Variants in CELF2 observed in about 807,000 individuals in gnomAD.
The protein encoded by CELF2 is CUG triplet repeat RNA-binding protein 2.
CELF2 carries 8 observed loss-of-function variants against 62.6 expected under a neutral mutation model. The observed-to-expected ratio is 0.13, with a 90% CI of 0.07 to 0.23. The LOEUF (loss-of-function observed/expected upper bound fraction) is 0.23. Among genes scored for constraint, CELF2 ranks in the 10% least tolerant of loss-of-function variants. CELF2 has a pLI of 1.00. For synonymous variants in CELF2, 258 were observed against 250.0 expected (o/e 1.03, Z -0.30); for missense variants, 333 against 671.0 (o/e 0.50, Z 5.56).
At chr10:10,665,740 G>A in the CELF2 span, among the ~76,000 whole-genome samples, 1 of 152,182 alleles carries the variant, frequency 6.6e-6, no homozygotes, top group Non-Finnish European at 1.5e-5. Context: ...ATAAACACTA[G>A]GATATAGGAA....
intron 1 of CELF2, among the ~76,000 whole-genome samples, chr10:11,027,012 G>C (rs1352644994): frequency 6.6e-6 from 1 of 152,184 alleles, no homozygotes; most frequent in Non-Finnish European, 1.5e-5. Context: ...TGCTGCAGCT[G>C]TGTTTGCCTT....
At chr10:10,680,379 C>A in the CELF2 span, among the ~76,000 whole-genome samples, 8 of 152,242 alleles carry the variant, frequency 5.3e-5, no homozygotes, top group African/African-American at 1.9e-4. Context: ...TGAAAGGATG[C>A]AGATTAAAAT....
At chr10:10,667,830 T>G in the CELF2 span, among the ~76,000 whole-genome samples, 2 of 152,208 alleles carry the variant, frequency 1.3e-5, no homozygotes, top group Admixed American at 1.3e-4. Flanking sequence ...CCAGCCAGGA[T>G]TATCCTGAGC....
intron 1 of CELF2, among the ~76,000 whole-genome samples, chr10:11,104,687 A>C (rs1461539597): frequency 1.3e-5 from 2 of 152,234 alleles, no homozygotes; most frequent in Non-Finnish European, 2.9e-5. Context: ...GTCTCCAAAA[A>C]ACAAAATAAC....
chr10:10,487,132 C>T, the CELF2 span, among the ~76,000 whole-genome samples: 2 of 152,188 alleles, frequency 1.3e-5, no homozygotes, highest in Non-Finnish European at 2.9e-5. Flanking sequence ...TCTGTGATGG[C>T]TCTCAGCAAA....
the CELF2 span, among the ~76,000 whole-genome samples, chr10:10,545,333 T>C: frequency 1.3e-5 from 2 of 152,218 alleles, no homozygotes; most frequent in African/African-American, 2.4e-5. Context: ...GCAGTTGCCC[T>C]GAGACATCAA....
At chr10:11,292,558 G>A (rs2092664196) in intron 9 of CELF2, among the ~76,000 whole-genome samples, 1 of 152,190 alleles carries the variant, frequency 6.6e-6, no homozygotes, top group South Asian at 2.1e-4. Context: ...GTTCATGCAG[G>A]GCAAATACAT....
chr10:10,762,067 C>A, the CELF2 span, among the ~76,000 whole-genome samples: 1,132 of 152,032 alleles, frequency 7.4e-3, 17 homozygotes, highest in African/African-American at 0.026. Flanking sequence ...ATATACATGG[C>A]AAATGAATTC....
At position 10,928,693 on chromosome 10, in the gene CELF2, C is replaced by T. The variant is rs2065781641; in HGVS notation, c.89+8694C>T. Among the ~76,000 whole-genome samples, 1 of 152,014 alleles carries T rather than the reference C, an allele frequency of 6.6e-6. No homozygotes were observed. The highest frequency in any genetic ancestry group is 6.6e-5 in the Admixed American group (1 of 15,256). ...TAGGTTTCTTTGATACCTTCTCTGC[C>T]CTGAAGAGATTTATGTTCCTTCTGT... On this transcript the variant is annotated intron_variant, in intron 2 of 13. Coordinates refer to the CELF2 transcript ENST00000636488. The surrounding 1 kb of genome is among the most constrained non-coding windows in gnomAD (Gnocchi z 4.8).
intron 1 of CELF2, among the ~76,000 whole-genome samples, chr10:10,862,151 A>G (rs1311829171): frequency 6.6e-6 from 1 of 152,218 alleles, no homozygotes; most frequent in Non-Finnish European, 1.5e-5. Context: ...TAAGGTATGT[A>G]GAGGCCCTAA....
intron 1 of CELF2, chr10:11,030,200 A>G (rs967090416): frequency 6.6e-6 from 1 of 152,136 alleles, no homozygotes. Context: ...CTATTTTATG[A>G]GATTAGTTAT....
At chr10:10,780,289 A>G in the CELF2 span, among the ~76,000 whole-genome samples, 1 of 152,132 alleles carries the variant, frequency 6.6e-6, no homozygotes, top group African/African-American at 2.4e-5. Context: ...GCATATGACT[A>G]TCTGGCAAGA....
chr10:10,727,877 C>G, the CELF2 span, among the ~76,000 whole-genome samples: 5 of 151,956 alleles, frequency 3.3e-5, no homozygotes, highest in African/African-American at 1.2e-4. Flanking sequence ...AATATTTTAT[C>G]TTTAATCCAA....
At chr10:10,929,323 G>T (rs2065841432) in intron 2 of CELF2, among the ~76,000 whole-genome samples, 1 of 152,124 alleles carries the variant, frequency 6.6e-6, no homozygotes, top group South Asian at 2.1e-4. Context: ...AACATTGGAA[G>T]AATTATCACA....
chr10:11,025,207 ATGTGTGTG>A (rs372783836), intron 1 of CELF2, among the ~76,000 whole-genome samples: 7 of 141,144 alleles, frequency 5.0e-5, no homozygotes, highest in Non-Finnish European at 7.6e-5. Flanking sequence ...ATATACATAT[ATGTGTGTG>A]TGTGTGTGTG....
intron 9 of CELF2, among the ~76,000 whole-genome samples, chr10:11,291,082 TA>T (rs1482064944): frequency 6.6e-6 from 1 of 152,204 alleles, no homozygotes; most frequent in African/African-American, 2.4e-5. Context: ...ATTTACTTTT[TA>T]AATAATAATA....
rs1327071464 is a variant in CELF2 at position 10,957,668 on chromosome 10, T to C, written c.89+37669T>C. On this transcript the variant is annotated intron_variant, in intron 2 of 13. Transcript: ENST00000636488. This position sits in a 1 kb window ranked among gnomAD's most constrained non-coding sequence, Gnocchi z 4.1. Reference sequence around the variant, plus strand: ...GCTCCCGATGTAGTAAAATGACTCATAATTGGCCAAATTCTCCAGCTTCTC... The same window carrying C: ...GCTCCCGATGTAGTAAAATGACTCACAATTGGCCAAATTCTCCAGCTTCTC... 6.6e-6 allele frequency among the ~76,000 whole-genome samples: 1 copy of C among 152,190 alleles called. No individual in the cohort carries two copies. The highest frequency in any genetic ancestry group is 1.9e-4 in the East Asian group (1 of 5,196).
chr10:10,769,798 T>C, the CELF2 span, among the ~76,000 whole-genome samples: 1 of 151,954 alleles, frequency 6.6e-6, no homozygotes, highest in Non-Finnish European at 1.5e-5. Flanking sequence ...ATAATCTCTT[T>C]ATTCAGTAGG....
intron 1 of CELF2, among the ~76,000 whole-genome samples, chr10:10,837,535 A>T (rs1422813162): frequency 6.6e-6 from 1 of 152,194 alleles, no homozygotes; most frequent in African/African-American, 2.4e-5. Context: ...GGCATTTATG[A>T]GATACTGCTT....
Sources: allele counts gnomAD v4.1 joint callset (sites outside exome capture counted in the v4.1 genomes callset), GRCh38; gene constraint gnomAD v4.1.1; non-coding constraint Gnocchi (gnomAD v3.1); transcripts MANE v1.5; gene names NCBI Gene and HGNC (gene_info 2026-07-23, HGNC 2026-07-21).